Variants in FIGN observed in about 807,000 individuals in gnomAD.
FIGN encodes the protein fidgetin, microtubule severing factor.
Under a neutral mutation model 51.3 loss-of-function variants are expected in FIGN, and 11 were observed. The observed-to-expected ratio is 0.21, with a 90% CI of 0.13 to 0.35. The LOEUF (loss-of-function observed/expected upper bound fraction) is 0.35, where lower values mean the gene tolerates loss of function less well. FIGN is among the 10% of genes least tolerant of loss of function. The probability of loss-of-function intolerance (pLI) is 1.00; values close to 1 mark genes in which losing one functional copy is unlikely to be tolerated. For synonymous variants in FIGN, 407 were observed against 363.2 expected (o/e 1.12, Z -1.37); for missense variants, 857 against 943.6 (o/e 0.91, Z 1.20).
chr2:163,649,379 C>T (rs528601525), intron 2 of FIGN, among the ~76,000 whole-genome samples: 2 of 152,316 alleles, frequency 1.3e-5, no homozygotes, highest in South Asian at 4.1e-4. Flanking sequence ...TCAGTCCTAA[C>T]AGCTTCGCCT....
intron 2 of FIGN, among the ~76,000 whole-genome samples, chr2:163,703,800 C>T (rs1221616827): frequency 6.6e-6 from 1 of 152,084 alleles, no homozygotes; most frequent in Non-Finnish European, 1.5e-5. Flanking sequence ...AGCTACACAT[C>T]GTAACCCCAA....
chr2:163,697,886 G>A (rs1684348558), intron 2 of FIGN, among the ~76,000 whole-genome samples: 1 of 152,124 alleles, frequency 6.6e-6, no homozygotes, highest in Non-Finnish European at 1.5e-5. Context: ...GTTATTACAG[G>A]TATTTTTCCT....
intron 2 of FIGN, among the ~76,000 whole-genome samples, chr2:163,637,207 G>C (rs1450376123): frequency 6.6e-6 from 1 of 152,150 alleles, no homozygotes; most frequent in African/African-American, 2.4e-5. Context: ...AAATGCAACA[G>C]TAGCAATCTA....
intron 2 of FIGN, among the ~76,000 whole-genome samples, chr2:163,730,671 T>C (rs1158310240): frequency 6.6e-6 from 1 of 152,162 alleles, no homozygotes; most frequent in Admixed American, 6.6e-5. Flanking sequence ...TTATTTTTTA[T>C]TGAGAGTTAA....
intron 2 of FIGN, among the ~76,000 whole-genome samples, chr2:163,662,609 G>A (rs1328195295): frequency 1.3e-5 from 2 of 152,150 alleles, no homozygotes; most frequent in African/African-American, 2.4e-5. Context: ...GTGGTTCTGG[G>A]GGCCGGGCCC....
intron 2 of FIGN, among the ~76,000 whole-genome samples, chr2:163,728,792 G>A (rs1341225261): frequency 6.6e-6 from 1 of 152,094 alleles, no homozygotes; most frequent in East Asian, 1.9e-4. Context: ...ACAATACAGG[G>A]CCCTGCATTT....
Position 163,606,584 on chromosome 2 carries a change from C to G in FIGN, c.*2968G>C, listed in dbSNP as rs1161212815. ...TGTACTATCACCGACTGTACACATT[C>G]ACTTCTGAGGATGTGGTACCCCACC... On this transcript the variant is annotated 3_prime_UTR_variant, in exon 3 of 3. Transcript: ENST00000333129. 6.6e-6 allele frequency: 1 copy of G among 152,264 alleles called. No homozygotes were observed. Among genetic ancestry groups the G allele is most frequent in the Non-Finnish European group, 1.5e-5 (1 of 68,096 alleles). 9.4% of individuals were successfully genotyped at this position (152,264 alleles called of 1,614,324 possible). A position where few individuals can be genotyped will look rare whatever the true frequency, so the allele number is the denominator to read the frequency against.
chr2:163,616,689 A>G (rs567168618), intron 2 of FIGN, among the ~76,000 whole-genome samples: 1 of 152,248 alleles, frequency 6.6e-6, no homozygotes, highest in South Asian at 2.1e-4. Flanking sequence ...TGAACCTTTC[A>G]TTATTTTTTA....
intron 2 of FIGN, among the ~76,000 whole-genome samples, chr2:163,667,066 T>C (rs1204859384): frequency 6.6e-6 from 1 of 152,124 alleles, no homozygotes; most frequent in Non-Finnish European, 1.5e-5. Context: ...GTATTCTCTA[T>C]TTTTGGTTAG....
chr2:163,610,699 G>A lies in FIGN; in HGVS notation c.1133C>T (p.Pro378Leu). 1 of 1,614,154 alleles carries A rather than the reference G, an allele frequency of 6.2e-7. No individual in the cohort carries two copies. The highest frequency in any genetic ancestry group is 1.6e-4 in the Middle Eastern group (1 of 6,062). ...SAETSSLAFK[P>L]TKQLMSSEQQ... ...TTCAGAGGACATTAGCTGCTTCGTTGGCTTAAATGCTAAGGATGATGTTTC... is the reference window on the plus strand; with the variant it reads ...TTCAGAGGACATTAGCTGCTTCGTTAGCTTAAATGCTAAGGATGATGTTTC... Residue 378 changes from proline to leucine, a missense_variant, in exon 3 of 3, where the codon CCA (proline) becomes CTA (leucine). Physicochemically the swap from Pro to Leu is moderately conservative, Grantham distance 98. This residue lies in a region of FIGN where 799 missense variants were observed against 849.5 expected (regional missense o/e 0.94). Coordinates refer to ENST00000333129, the MANE Select transcript of FIGN (RefSeq NM_018086.4).
chr2:163,695,272 T>C (rs1684299667), intron 2 of FIGN, among the ~76,000 whole-genome samples: 1 of 152,142 alleles, frequency 6.6e-6, no homozygotes, highest in African/African-American at 2.4e-5. Flanking sequence ...CTACAAAATT[T>C]TCCCACTACT....
intron 2 of FIGN, among the ~76,000 whole-genome samples, chr2:163,653,820 T>C (rs529271129): frequency 8.9e-4 from 135 of 152,214 alleles, no homozygotes; most frequent in Admixed American, 2.8e-3. Flanking sequence ...ACAGGACTTT[T>C]TTTAAAAAAC....
At chr2:163,617,132 T>G in intron 2 of FIGN, 3 of 985,270 alleles carry the variant, frequency 3.0e-6, no homozygotes, top group Non-Finnish European at 3.6e-6. Flanking sequence ...ATCTGGAAAT[T>G]TCTTCAGCCC....
At chr2:163,626,777 A>T (rs1411168277) in intron 2 of FIGN, among the ~76,000 whole-genome samples, 2 of 152,094 alleles carry the variant, frequency 1.3e-5, no homozygotes, top group Non-Finnish European at 2.9e-5. Context: ...GGTCATAAAG[A>T]CCTGGCTGAT....
At chr2:163,705,607 T>C (rs543308074) in intron 2 of FIGN, among the ~76,000 whole-genome samples, 4 of 151,898 alleles carry the variant, frequency 2.6e-5, no homozygotes, top group African/African-American at 9.7e-5. Flanking sequence ...AAGAGTACTA[T>C]GTAAACTCTA....
intron 2 of FIGN, among the ~76,000 whole-genome samples, chr2:163,655,466 A>G (rs781062969): frequency 6.6e-6 from 1 of 152,262 alleles, no homozygotes; most frequent in Non-Finnish European, 1.5e-5. Context: ...AACAATCTAC[A>G]CAGTTCAGAA....
chr2:163,667,319 C>G (rs1683795111), intron 2 of FIGN, among the ~76,000 whole-genome samples: 1 of 141,756 alleles, frequency 7.1e-6, no homozygotes, highest in Non-Finnish European at 1.5e-5. Flanking sequence ...TTCTGAATCC[C>G]TTTTCCATAC....
chr2:163,626,253 G>A (rs1683052285), intron 2 of FIGN, among the ~76,000 whole-genome samples: 1 of 152,028 alleles, frequency 6.6e-6, no homozygotes, highest in Non-Finnish European at 1.5e-5. Flanking sequence ...TCCTGTTTAA[G>A]CCTTGAATAA....
At chr2:163,703,003 C>A (rs1198279818) in intron 2 of FIGN, among the ~76,000 whole-genome samples, 3 of 150,826 alleles carry the variant, frequency 2.0e-5, no homozygotes, top group Non-Finnish European at 2.9e-5. Flanking sequence ...AAGGTCTCCG[C>A]AAAATCTGCT....
Sources: allele counts gnomAD v4.1 joint callset (sites outside exome capture counted in the v4.1 genomes callset), GRCh38; gene constraint gnomAD v4.1.1; regional missense constraint gnomAD v4.1.1; transcripts MANE v1.5; gene names NCBI Gene and HGNC (gene_info 2026-07-23, HGNC 2026-07-21).